Variants in PRRG1 observed in about 807,000 individuals in gnomAD.
PRRG1 encodes the protein proline rich and Gla domain 1.
Under a neutral mutation model 11.8 loss-of-function variants are expected in PRRG1, and 5 were observed. The ratio of observed to expected loss-of-function variants is 0.42; its 90% CI spans 0.22 to 0.89. The LOEUF (loss-of-function observed/expected upper bound fraction) is 0.89, where lower values mean the gene tolerates loss of function less well. PRRG1 is among the 40% of genes least tolerant of loss of function. PRRG1 has a pLI of 0.28. For synonymous variants in PRRG1, 66 were observed against 60.4 expected, an observed-to-expected ratio of 1.09 and a Z score of -0.43; for missense variants, 155 against 166.1, an observed-to-expected ratio of 0.93 and a Z score of 0.37.
At chrX:37,439,131 C>T (rs782124892) in intron 3 of PRRG1, among the ~76,000 whole-genome samples, 10 of 112,137 alleles carry the variant, frequency 8.9e-5, no homozygotes, top group African/African-American at 2.6e-4. Flanking sequence ...CAAGCTGAAA[C>T]AGGAAATCTG....
At chrX:37,445,086 A>T (rs1432562798) in intron 3 of PRRG1, among the ~76,000 whole-genome samples, 3 of 111,799 alleles carry the variant, frequency 2.7e-5, no homozygotes. Flanking sequence ...GCGGCGCTTG[A>T]CAGGAGAATG....
chrX:37,421,997 T>C (rs1556387176), intron 2 of PRRG1, among the ~76,000 whole-genome samples: 1 of 111,800 alleles, frequency 8.9e-6, no homozygotes, highest in Non-Finnish European at 1.9e-5. Flanking sequence ...TGCCGCCCAG[T>C]ACAAGAAATA....
At chrX:37,433,376 C>T (rs1167718939) in intron 3 of PRRG1, among the ~76,000 whole-genome samples, 1 of 111,793 alleles carries the variant, frequency 8.9e-6, no homozygotes. Context: ...ACAGACAGCA[C>T]GTGACCTGCC....
chrX:37,453,610 A>G lies in PRRG1; in HGVS notation c.646A>G (p.Thr216Ala), dbSNP rs781983708. Residue 216 changes from threonine to alanine, a missense_variant, in exon 4 of 4, where the codon ACC (threonine) becomes GCC (alanine). Thr to Ala is a moderately conservative substitution (Grantham distance 58). Coordinates refer to ENST00000378628, the MANE Select transcript of PRRG1 (RefSeq NM_001142395.2). The stretch of plus-strand genomic sequence containing the variant: ...CATTCCTATGGTGCCTGTGGTCACC[A>G]CCATCAAATGAAGCTGCAAACTTCT... Reference protein sequence around the residue: ...SAIPMVPVVTTIK With the variant: ...SAIPMVPVVTAIK The G allele has an allele frequency of 3.4e-6, 4 of 1,165,278 alleles. No homozygotes were observed. In the East Asian group the frequency reaches 1.2e-4, roughly 35 times the overall value.
At chrX:37,432,142 C>T (rs1346877571) in intron 3 of PRRG1, among the ~76,000 whole-genome samples, 6 of 105,073 alleles carry the variant, frequency 5.7e-5, no homozygotes, top group Admixed American at 5.1e-4. Context: ...GGCTGGAGTG[C>T]AGTGGCGCAA....
At chrX:37,387,935 G>A (rs1272415656) in intron 1 of PRRG1, among the ~76,000 whole-genome samples, 4 of 112,073 alleles carry the variant, frequency 3.6e-5, no homozygotes, top group African/African-American at 9.7e-5. Flanking sequence ...AAATAAAATG[G>A]GGGTATAGGC....
intron 1 of PRRG1, among the ~76,000 whole-genome samples, chrX:37,375,090 G>T (rs1349219251): frequency 8.9e-6 from 1 of 111,788 alleles, no homozygotes; most frequent in Non-Finnish European, 1.9e-5. Context: ...TTTTTCTTAA[G>T]ATCTGAGATA....
At chrX:37,371,501 G>T (rs1197123777) in intron 1 of PRRG1, among the ~76,000 whole-genome samples, 1 of 112,836 alleles carries the variant, frequency 8.9e-6, no homozygotes, top group Non-Finnish European at 1.9e-5. Context: ...TCATTACGTT[G>T]TAGGCAACAA....
intron 3 of PRRG1, among the ~76,000 whole-genome samples, chrX:37,437,934 C>A (rs1391313987): frequency 9.9e-6 from 1 of 101,409 alleles, no homozygotes; most frequent in Non-Finnish European, 1.9e-5. Flanking sequence ...GCAGAAAATA[C>A]CATTTTTTTT....
intron 3 of PRRG1, chrX:37,441,307 C>A (rs1474701724): frequency 1.3e-6 from 1 of 757,905 alleles, no homozygotes; most frequent in African/African-American, 2.3e-5. Context: ...AAAAACTGGA[C>A]ACAGGTCAGA....
intron 1 of PRRG1, among the ~76,000 whole-genome samples, chrX:37,395,007 C>T (rs922536526): frequency 4.5e-5 from 5 of 111,671 alleles, no homozygotes; most frequent in African/African-American, 1.6e-4. Context: ...GGGAAAAATA[C>T]CAAATCTTTG....
At chrX:37,444,280 C>T (rs1322842336) in intron 3 of PRRG1, among the ~76,000 whole-genome samples, 3 of 111,631 alleles carry the variant, frequency 2.7e-5, no homozygotes, top group Admixed American at 9.5e-5. Context: ...AAGAACAAAG[C>T]GAGCATCTTT....
chrX:37,397,035 A>G (rs1376663637), intron 1 of PRRG1, among the ~76,000 whole-genome samples: 2 of 112,717 alleles, frequency 1.8e-5, no homozygotes, highest in Non-Finnish European at 3.8e-5. Context: ...GTGGCAAATA[A>G]AAGACACTCA....
rs782480996 is a variant in PRRG1 at position 37,453,296 on chromosome X, G to A, written c.332G>A (p.Arg111His). 6 of 1,206,875 alleles carry A rather than the reference G, an allele frequency of 5.0e-6. No homozygotes were observed. The African/African-American group carries it at 7.1e-5, about 14-fold the overall frequency. ...IWRCFLRNKT[R>H]RQTVTEGHIP... ...AGATGCTTCCTAAGAAACAAAACTC[G>A]TAGACAGACAGTGACTGAAGGCCAC... The change falls in exon 4 of 4, where the codon CGT (arginine) becomes CAT (histidine). Residue 111 changes from arginine to histidine, a missense_variant. By Grantham distance (29) the Arg-to-His change is conservative. Transcript: ENST00000378628.
At chrX:37,445,190 C>T (rs1243122408) in intron 3 of PRRG1, among the ~76,000 whole-genome samples, 1 of 112,210 alleles carries the variant, frequency 8.9e-6, no homozygotes, top group Non-Finnish European at 1.9e-5. Context: ...CTTTGCTGCA[C>T]ATTCAAATCA....
intron 1 of PRRG1, among the ~76,000 whole-genome samples, chrX:37,354,972 C>T (rs1432285792): frequency 3.6e-5 from 4 of 110,618 alleles, no homozygotes; most frequent in Non-Finnish European, 7.6e-5. Context: ...AGTGTAGTGG[C>T]GCAAACACGG....
At chrX:37,406,758 T>A (rs1310966368) in intron 2 of PRRG1, among the ~76,000 whole-genome samples, 1 of 111,498 alleles carries the variant, frequency 9.0e-6, no homozygotes, top group Non-Finnish European at 1.9e-5. Flanking sequence ...CTTTTGTTTA[T>A]TTTTGCCTTC....
At chrX:37,437,515 C>T (rs1263620217) in intron 3 of PRRG1, among the ~76,000 whole-genome samples, 2 of 112,188 alleles carry the variant, frequency 1.8e-5, no homozygotes, top group African/African-American at 6.5e-5. Context: ...GACCTGTCAC[C>T]TATCATGCTG....
At chrX:37,383,508 C>T (rs1697058718) in intron 1 of PRRG1, among the ~76,000 whole-genome samples, 1 of 110,764 alleles carries the variant, frequency 9.0e-6, no homozygotes, top group African/African-American at 3.3e-5. Context: ...TCTAGTGATG[C>T]AACAGTGTTA....
Sources: gnomAD v4.1 joint callset for allele counts (sites outside exome capture counted in the v4.1 genomes callset) on GRCh38, gnomAD v4.1.1 for gene constraint, MANE v1.5 for transcripts, NCBI Gene and HGNC (gene_info 2026-07-23, HGNC 2026-07-21) for gene names.